Variants in SLC25A12 observed in about 807,000 individuals in gnomAD.
SLC25A12 encodes the protein solute carrier family 25 member 12.
In SLC25A12, 32 loss-of-function variants were observed where a neutral mutation model predicts 83.3. That is an observed-to-expected ratio of 0.38 (90% confidence interval 0.29 to 0.52). SLC25A12 has a LOEUF of 0.52. Ranked by LOEUF, SLC25A12 falls within the 20% of genes least tolerant of loss-of-function variation. The pLI is 0.84. For missense variants in SLC25A12, 611 were observed against 835.6 expected, an observed-to-expected ratio of 0.73 and a Z score of 3.31; for synonymous variants, 267 against 291.1, an observed-to-expected ratio of 0.92 and a Z score of 0.84.
chr2:171,882,493 C>T (rs1007026256), intron 2 of SLC25A12, among the ~76,000 whole-genome samples: 1 of 152,198 alleles, frequency 6.6e-6, no homozygotes, highest in Non-Finnish European at 1.5e-5. Flanking sequence ...ATGGCAAAGC[C>T]TGTTTGAGAA....
chr2:171,815,300 C>T (rs1274105461), intron 9 of SLC25A12, 98 bp from the exon 10 acceptor site: 7 of 829,820 alleles, frequency 8.4e-6, no homozygotes, highest in Admixed American at 1.9e-5. Context: ...AAAACAAAAC[C>T]TAAAAGTGAT....
At chr2:171,871,678 T>C in intron 2 of SLC25A12, 1 of 977,156 alleles carries the variant, frequency 1.0e-6, no homozygotes, top group Non-Finnish European at 1.2e-6. Flanking sequence ...TTAGTTCCTC[T>C]CTCCTCCACT....
chr2:171,877,835 T>C (rs369537313), intron 2 of SLC25A12, among the ~76,000 whole-genome samples: 10 of 152,184 alleles, frequency 6.6e-5, no homozygotes, highest in East Asian at 3.8e-4. Context: ...TGATACAAAT[T>C]ACTTGTTTAA....
At chr2:171,884,425 G>A (rs981757745) in intron 2 of SLC25A12, among the ~76,000 whole-genome samples, 2 of 150,306 alleles carry the variant, frequency 1.3e-5, no homozygotes, top group African/African-American at 2.4e-5. Context: ...TCCTGACCTC[G>A]TGGTCTGCTC....
intron 3 of SLC25A12, among the ~76,000 whole-genome samples, chr2:171,866,459 G>A: frequency 6.8e-6 from 1 of 147,438 alleles, no homozygotes; most frequent in South Asian, 2.2e-4. Context: ...GCCGGGCAGG[G>A]GGCTGACCCC....
chr2:171,789,309 A>G (rs1183036035), intron 15 of SLC25A12, among the ~76,000 whole-genome samples: 53 of 152,084 alleles, frequency 3.5e-4, no homozygotes, highest in Non-Finnish European at 4.4e-5. Flanking sequence ...GCTCACTGCA[A>G]GCTCCGCCTC....
At chr2:171,845,030 C>T (rs1293882403) in intron 4 of SLC25A12, among the ~76,000 whole-genome samples, 1 of 152,088 alleles carries the variant, frequency 6.6e-6, no homozygotes, top group Non-Finnish European at 1.5e-5. Flanking sequence ...ATTAGCTCAG[C>T]AGCAAGCACC....
chr2:171,810,282 T>A lies in SLC25A12; in HGVS notation c.1172-6A>T. 6.2e-7 allele frequency: 1 copy of A among 1,612,170 alleles called. No individual in the cohort carries two copies. The highest frequency in any genetic ancestry group is 8.5e-7 in the Non-Finnish European group (1 of 1,178,338). ...TATAAGTTGTGGTATCAGACCTAGG[T>A]AAAGGGACAGAATCATCAGCAATAT... is the stretch of plus-strand genomic sequence containing the variant. On this transcript the variant is annotated splice_polypyrimidine_tract_variant and splice_region_variant and intron_variant, in intron 11 of 17. Coordinates refer to ENST00000422440, the MANE Select transcript of SLC25A12 (RefSeq NM_003705.5).
intron 13 of SLC25A12, among the ~76,000 whole-genome samples, chr2:171,799,530 C>A (rs897973387): frequency 1.3e-5 from 2 of 152,090 alleles, no homozygotes; most frequent in East Asian, 1.9e-4. Context: ...GTAAATGCTC[C>A]GCCTAACATG....
In SLC25A12 at chr2:171,784,229, G is replaced by C. The variant is rs978353577; in HGVS notation, c.*1045C>G. On this transcript the variant is annotated 3_prime_UTR_variant, in exon 18 of 18. Coordinates refer to ENST00000422440, the MANE Select transcript of SLC25A12 (RefSeq NM_003705.5). ...TCTTCCCTCCCTTCACTCTGCGCTA[G>C]CCCTTTCTAAAACTAATTTTTCTGT... The C allele has an allele frequency of 6.6e-6, 1 of 152,152 alleles. No homozygotes were observed. Among genetic ancestry groups the C allele is most frequent in the Non-Finnish European group, 1.5e-5 (1 of 68,038 alleles). 9.4% of individuals were successfully genotyped at this position (152,152 alleles called of 1,614,324 possible).
chr2:171,817,623 A>AAAAAAAAAAAAAG (rs1684081952), intron 9 of SLC25A12, among the ~76,000 whole-genome samples: 1 of 149,830 alleles, frequency 6.7e-6, no homozygotes, highest in Non-Finnish European at 1.5e-5. Flanking sequence ...AAAAAAAAAA[A>AAAAAAAAAAAAAG]TGTATGTAGA....
chr2:171,793,822 C>T (rs900867729), intron 13 of SLC25A12, 55 bp from the exon 14 acceptor site: 78 of 1,606,088 alleles, frequency 4.9e-5, no homozygotes, highest in South Asian at 3.3e-4. Context: ...CGACTGGCAG[C>T]GTAAAAAAGG....
At position 171,785,347 on chromosome 2, in the gene SLC25A12, A is replaced by G; in HGVS notation, c.1964T>C (p.Leu655Pro). The G allele has an allele frequency of 6.2e-7, 1 of 1,614,206 alleles. No homozygotes were observed. Among genetic ancestry groups the G allele is most frequent in the South Asian group, 1.1e-5 (1 of 91,084 alleles). Residue 655 changes from leucine (L) to proline (P), a missense_variant, in exon 18 of 18, where the codon CTT becomes CCT. Around this residue, in one of 3 missense-constraint regions of SLC25A12, gnomAD observed 37 missense variants for 35.1 expected, o/e 1.05. Transcript: ENST00000422440. ...TFAGIENKFG[L>P]YLPKFKSPSV... Reference sequence around the variant, plus strand: ...AGGAGACTTAAATTTCGGGAGATAAAGGCCAAATTTGTTTTCGATGCCTGC... The same window carrying G: ...AGGAGACTTAAATTTCGGGAGATAAGGGCCAAATTTGTTTTCGATGCCTGC...
chr2:171,889,701 T>A (rs1173941490), intron 2 of SLC25A12, among the ~76,000 whole-genome samples: 2 of 133,388 alleles, frequency 1.5e-5, no homozygotes, highest in Non-Finnish European at 3.2e-5. Flanking sequence ...TCTGCCATTA[T>A]CCCCTGATAT....
intron 4 of SLC25A12, chr2:171,848,046 T>TTG (rs1684837198): frequency 2.6e-6 from 1 of 386,026 alleles, no homozygotes. Flanking sequence ...AAATATGTCT[T>TTG]AACAGAGGTT....
intron 2 of SLC25A12, among the ~76,000 whole-genome samples, chr2:171,883,220 G>T (rs1426396578): frequency 6.6e-6 from 1 of 152,182 alleles, no homozygotes; most frequent in Non-Finnish European, 1.5e-5. Context: ...AGAAGAGAAG[G>T]AAAGAGACAA....
intron 3 of SLC25A12, among the ~76,000 whole-genome samples, chr2:171,858,069 C>T (rs1664670485): frequency 6.6e-6 from 1 of 152,016 alleles, no homozygotes; most frequent in Admixed American, 6.6e-5. Flanking sequence ...CCAGCATATA[C>T]TAGATCTTTC....
intron 2 of SLC25A12, among the ~76,000 whole-genome samples, chr2:171,886,794 G>A (rs553600803): frequency 1.9e-4 from 29 of 152,256 alleles, no homozygotes; most frequent in Non-Finnish European, 3.8e-4. Context: ...ACAGGCATGA[G>A]CCACCACATC....
intron 11 of SLC25A12, among the ~76,000 whole-genome samples, chr2:171,811,336 G>A (rs1683941228): frequency 6.6e-6 from 1 of 152,122 alleles, no homozygotes; most frequent in South Asian, 2.1e-4. Context: ...GTAGCAGACT[G>A]ATTTAAAAGA....
Sources: gnomAD v4.1 joint callset for allele counts (sites outside exome capture counted in the v4.1 genomes callset) on GRCh38, gnomAD v4.1.1 for gene constraint, gnomAD v4.1.1 regional missense constraint, MANE v1.5 for transcripts, NCBI Gene and HGNC (gene_info 2026-07-23, HGNC 2026-07-21) for gene names.